Variants in NCAM1 observed in about 807,000 individuals in gnomAD.
NCAM1 encodes the protein neural cell adhesion molecule 1.
Under a neutral mutation model 109.8 loss-of-function variants are expected in NCAM1, and 14 were observed. That is an observed-to-expected ratio of 0.13 (90% CI 0.08 to 0.20). The LOEUF (loss-of-function observed/expected upper bound fraction) is 0.20. Ranked by LOEUF, NCAM1 falls within the 10% of genes least tolerant of loss-of-function variation. The pLI is 1.00. For synonymous variants in NCAM1, 418 were observed against 442.9 expected (o/e 0.94, Z 0.70); for missense variants, 774 against 1,109.9 (o/e 0.70, Z 4.30).
intron 14 of NCAM1, among the ~76,000 whole-genome samples, chr11:113,245,439 C>T (rs1945473552): frequency 6.6e-6 from 1 of 152,086 alleles, no homozygotes; most frequent in Admixed American, 6.5e-5. Context: ...GAGACCGTTT[C>T]AAAACAAAAA....
chr11:113,200,763 C>T (rs1296958292), intron 1 of NCAM1, among the ~76,000 whole-genome samples: 3 of 152,110 alleles, frequency 2.0e-5, no homozygotes, highest in African/African-American at 7.2e-5. Flanking sequence ...ACTTGCACTG[C>T]GGGCAGTGAC....
At chr11:113,052,663 G>T (rs1385397797) in intron 1 of NCAM1, among the ~76,000 whole-genome samples, 1 of 152,176 alleles carries the variant, frequency 6.6e-6, no homozygotes, top group Non-Finnish European at 1.5e-5. Flanking sequence ...AAAAAATTTT[G>T]TGAAGTTTAG....
intron 1 of NCAM1, among the ~76,000 whole-genome samples, chr11:113,139,089 G>T (rs940820793): frequency 6.6e-6 from 1 of 152,198 alleles, no homozygotes; most frequent in African/African-American, 2.4e-5. Context: ...TTTCTCCAAG[G>T]CTTTCTTTGA....
intron 8 of NCAM1, among the ~76,000 whole-genome samples, chr11:113,216,571 A>G (rs1944539807): frequency 6.6e-6 from 1 of 152,228 alleles, no homozygotes; most frequent in South Asian, 2.1e-4. Context: ...TACTTTTTAT[A>G]TAATTCTGCT....
At position 113,276,729 on chromosome 11, in the gene NCAM1, GA is replaced by G. The variant is rs1169070485; in HGVS notation, c.*1345del. 7.1e-6 allele frequency: 1 copy of G among 141,616 alleles called. No individual in the cohort carries two copies. 8.8% of individuals were successfully genotyped at this position (141,616 alleles called of 1,614,324 possible). A position where few individuals can be genotyped will look rare whatever the true frequency, so the allele number is the denominator to read the frequency against. On this transcript the variant is annotated 3_prime_UTR_variant, in exon 20 of 20. Coordinates refer to ENST00000316851, the MANE Select transcript of NCAM1 (RefSeq NM_181351.5). ...TCTGTTCACTTAGGCAGCATTTATA[GA>G]AACAAAAGAAGAAAGAAACAACCTA... is the stretch of plus-strand genomic sequence containing the variant.
chr11:113,041,561 GA>G (rs1324786632), intron 1 of NCAM1, among the ~76,000 whole-genome samples: 1 of 152,152 alleles, frequency 6.6e-6, no homozygotes, highest in African/African-American at 2.4e-5. Flanking sequence ...GATTTATTTT[GA>G]CAACTTGATG....
chr11:112,995,915 G>A (rs142596646), intron 1 of NCAM1, among the ~76,000 whole-genome samples: 43 of 152,150 alleles, frequency 2.8e-4, no homozygotes, highest in African/African-American at 6.5e-4. Context: ...GGAGTGTGGT[G>A]GAGCCTGACC....
At chr11:113,223,735 G>A (rs1031945448) in intron 9 of NCAM1, among the ~76,000 whole-genome samples, 2 of 152,144 alleles carry the variant, frequency 1.3e-5, no homozygotes, top group African/African-American at 4.8e-5. Context: ...TCAGTTGCTG[G>A]TTGATATCAC....
rs1950600874 is a variant in NCAM1, at chr11:112,962,628, G to T, written c.52+964G>T. The stretch of plus-strand genomic sequence containing the variant: ...AGGAAGACAGTAGTGATGCTGCCGC[G>T]GGTGGCGGGGGTTGCGCCGCCGCCC... On this transcript the variant is annotated intron_variant, in intron 1 of 19. Coordinates refer to ENST00000316851, the MANE Select transcript of NCAM1 (RefSeq NM_181351.5). The surrounding 1 kb of genome is among the most constrained non-coding windows in gnomAD (Gnocchi z 5.6). Among the ~76,000 whole-genome samples the T allele has an allele frequency of 6.6e-6, 1 of 152,148 alleles. No individual in the cohort carries two copies. Among genetic ancestry groups the T allele is most frequent in the South Asian group, 2.1e-4 (1 of 4,826 alleles).
At chr11:112,970,465 A>G (rs1338464336) in intron 1 of NCAM1, among the ~76,000 whole-genome samples, 5 of 152,168 alleles carry the variant, frequency 3.3e-5, no homozygotes, top group African/African-American at 1.2e-4. Context: ...AAGTCCAATG[A>G]AAGTATCTTG....
chr11:113,108,339 T>C (rs1940266120), intron 1 of NCAM1, among the ~76,000 whole-genome samples: 1 of 152,238 alleles, frequency 6.6e-6, no homozygotes, highest in Non-Finnish European at 1.5e-5. Flanking sequence ...TGTATCTTTG[T>C]TCTCCTAACT....
At chr11:112,980,138 G>A (rs1555068483) in intron 1 of NCAM1, among the ~76,000 whole-genome samples, 1 of 151,780 alleles carries the variant, frequency 6.6e-6, no homozygotes, top group East Asian at 1.9e-4. Flanking sequence ...CAAAGCCACA[G>A]TGAGATACCA....
rs192146920 is a variant in NCAM1 at position 113,142,422 on chromosome 11, G to T, written c.53-59957G>T. 2.0e-3 allele frequency among the ~76,000 whole-genome samples: 301 copies of T among 152,306 alleles called. 1 individual carries two copies. The highest frequency in any genetic ancestry group is 3.4e-3 in the Non-Finnish European group (231 of 68,034). On this transcript the variant is annotated intron_variant, in intron 1 of 19. Coordinates refer to ENST00000316851, the MANE Select transcript of NCAM1 (RefSeq NM_181351.5). ...TTAAATCACTGTGTTCTCTGAGTAT[G>T]TAACACTTTACCCCCTTTTGAAAAT...
intron 1 of NCAM1, among the ~76,000 whole-genome samples, chr11:113,105,290 C>T (rs558403126): frequency 1.3e-5 from 2 of 152,332 alleles, no homozygotes; most frequent in South Asian, 4.1e-4. Context: ...CCTCACCTTG[C>T]ACTCCCTTAT....
chr11:113,081,346 C>T (rs782784637), intron 1 of NCAM1, among the ~76,000 whole-genome samples: 18 of 152,090 alleles, frequency 1.2e-4, no homozygotes, highest in Non-Finnish European at 2.1e-4. Flanking sequence ...GTATGGCGGA[C>T]GGTTCCCCGG....
chr11:113,264,585 T>C, intron 17 of NCAM1: 1 of 985,508 alleles, frequency 1.0e-6, no homozygotes, highest in Non-Finnish European at 1.2e-6. Context: ...AGGATCACCT[T>C]GGGCAGAAGT....
At chr11:113,256,670 T>C (rs1945842789) in intron 16 of NCAM1, among the ~76,000 whole-genome samples, 1 of 152,218 alleles carries the variant, frequency 6.6e-6, no homozygotes. Context: ...CTAAGCCACC[T>C]TCTCCTGGTT....
rs555279057 is a variant in NCAM1, at chr11:113,200,523, T to C, written c.53-1856T>C. Among the ~76,000 whole-genome samples the C allele has an allele frequency of 5.3e-5, 8 of 152,282 alleles. No individual in the cohort carries two copies. The South Asian group carries it at 1.5e-3, about 28-fold the overall frequency. ...CCCTCTGTGCAGGGGCAGCATTGCA[T>C]CATGGAAAGATCACCTACCCGGAGC... On this transcript the variant is annotated intron_variant, in intron 1 of 19. Transcript: ENST00000316851.
At chr11:113,091,332 A>G (rs1256742643) in intron 1 of NCAM1, among the ~76,000 whole-genome samples, 2 of 152,118 alleles carry the variant, frequency 1.3e-5, no homozygotes, top group African/African-American at 4.8e-5. Flanking sequence ...TGCCAGGGAT[A>G]TCTTTGGCTC....
Sources: gnomAD v4.1 joint callset for allele counts (sites outside exome capture counted in the v4.1 genomes callset) on GRCh38, gnomAD v4.1.1 for gene constraint, Gnocchi (gnomAD v3.1) non-coding constraint, MANE v1.5 for transcripts, NCBI Gene and HGNC (gene_info 2026-07-23, HGNC 2026-07-21) for gene names.